The following IKBKE variants were observed in gnomAD, a reference collection of about 807,000 sequenced individuals.
IKBKE encodes inhibitor of nuclear factor kappa-B kinase subunit epsilon.
In IKBKE, 45 loss-of-function variants were observed where a neutral mutation model predicts 92.1. The observed-to-expected ratio is 0.49, with a 90% CI of 0.38 to 0.63. The LOEUF is 0.63. IKBKE is among the 20% of genes least tolerant of loss of function. The probability of loss-of-function intolerance (pLI) is 0.00; values close to 1 mark genes in which losing one functional copy is unlikely to be tolerated. For synonymous variants in IKBKE, 374 were observed against 380.3 expected (o/e 0.98, Z 0.19); for missense variants, 700 against 932.8 (o/e 0.75, Z 3.25).
intron 4 of IKBKE, 121 bp downstream of exon 4, chr1:206,474,592 C>G (rs150146648): frequency 3.5e-6 from 3 of 865,158 alleles, no homozygotes; most frequent in East Asian, 5.7e-5. Context: ...AGACAGCAGG[C>G]AAATTGCAGA....
intron 17 of IKBKE, chr1:206,491,431 C>T (rs782654782): frequency 3.0e-4 from 145 of 480,470 alleles, no homozygotes; most frequent in Admixed American, 1.2e-3. Context: ...TCTCCCACGT[C>T]TCCCTGTTGA....
intron 10 of IKBKE, 44 bp from the exon 11 acceptor site, chr1:206,479,826 A>C: frequency 6.3e-7 from 1 of 1,599,890 alleles, no homozygotes. Context: ...AAGCCGACCC[A>C]GCACCATACA....
Position 206,493,910 on chromosome 1 carries a change from C to A in IKBKE, c.2046-10C>A, listed in dbSNP as rs2103486548. 6.2e-7 allele frequency: 1 copy of A among 1,613,598 alleles called. No individual in the cohort carries two copies. The highest frequency in any genetic ancestry group is 1.1e-5 in the South Asian group (1 of 91,070). ...GCCTCAGCCGCCTCTCCTGCCTCTG[C>A]CTTGGGCAGCATGCAAGAGCTCTGC... On this transcript the variant is annotated splice_polypyrimidine_tract_variant and intron_variant, in intron 20 of 21. Transcript: ENST00000581977.
rs1233862570 is a variant in IKBKE, at chr1:206,480,006, C to T, written c.1249-16C>T. The T allele has an allele frequency of 6.2e-7, 1 of 1,611,118 alleles. No individual in the cohort carries two copies. The highest frequency in any genetic ancestry group is 8.5e-7 in the Non-Finnish European group (1 of 1,178,774). On this transcript the variant is annotated splice_polypyrimidine_tract_variant and intron_variant, in intron 11 of 21. Coordinates refer to ENST00000581977, the MANE Select transcript of IKBKE (RefSeq NM_014002.4). ...AGGAGGTGTGGGACCTGGCCCTGTG[C>T]ATCTCTGTGTTTCAGGGCGTGTTGG...
chr1:206,493,894 G>T (rs201847557), intron 20 of IKBKE, 26 bp from the exon 21 acceptor site: 4 of 1,608,878 alleles, frequency 2.5e-6, no homozygotes, highest in Non-Finnish European at 3.4e-6. Flanking sequence ...AGCCTCAGCC[G>T]CCTCTCCTGC....
intron 4 of IKBKE, 63 bp from the exon 5 acceptor site, chr1:206,474,802 T>A: frequency 6.3e-7 from 1 of 1,586,230 alleles, no homozygotes; most frequent in Non-Finnish European, 8.6e-7. Flanking sequence ...CTGAGCCACT[T>A]CTTCCTGGTG....
intron 18 of IKBKE, chr1:206,492,400 G>A (rs1353471607): frequency 2.1e-6 from 1 of 466,700 alleles, no homozygotes; most frequent in Non-Finnish European, 4.5e-6. Context: ...ACCTTGTTAT[G>A]GGGCTGAGAC....
At chr1:206,475,285 T>G in intron 5 of IKBKE, 2 of 473,998 alleles carry the variant, frequency 4.2e-6, no homozygotes, top group Non-Finnish European at 7.4e-6. Flanking sequence ...TGGATGGACC[T>G]TGATGACATT....
chr1:206,495,530 T>C (rs904045137), intron 21 of IKBKE, among the ~76,000 whole-genome samples: 2 of 152,100 alleles, frequency 1.3e-5, no homozygotes, highest in Non-Finnish European at 2.9e-5. Context: ...CAGAGGGTCC[T>C]TGGGTAAGGG....
Position 206,476,302 on chromosome 1 carries a change from T to A in IKBKE, c.480T>A (p.Ala160=). 6.2e-7 allele frequency: 1 copy of A among 1,614,038 alleles called. No individual in the cohort carries two copies. Among genetic ancestry groups the A allele is most frequent in the Non-Finnish European group, 8.5e-7 (1 of 1,179,936 alleles). The change falls in exon 6 of 22, where the codon GCT becomes GCA. Residue 160 remains alanine (A), a synonymous_variant. Coordinates refer to ENST00000581977, the MANE Select transcript of IKBKE (RefSeq NM_014002.4). This position sits in a 1 kb window ranked among gnomAD's most constrained non-coding sequence, Gnocchi z 5.1. ...QSIYKLTDFG[A]ARELDDDEKF... ...TCTACAAGCTGACAGACTTCGGCGC[T>A]GCCCGGGAGCTGGATGATGATGAGA...
At chr1:206,486,939 A>C (rs1298523187) in intron 15 of IKBKE, among the ~76,000 whole-genome samples, 1 of 149,630 alleles carries the variant, frequency 6.7e-6, no homozygotes, top group Non-Finnish European at 1.5e-5. Context: ...TCAAGGCCCC[A>C]TCCATTTGGA....
chr1:206,475,747 A>AAAAAAAAAC (rs1363606459), intron 5 of IKBKE, among the ~76,000 whole-genome samples: 20 of 152,064 alleles, frequency 1.3e-4, no homozygotes, highest in African/African-American at 4.6e-4. Context: ...CAAAAAAAAA[A>AAAAAAAAAC]AAAAAATTGG....
chr1:206,492,892 G>C (rs1553390943), intron 18 of IKBKE, 131 bp from the exon 19 acceptor site: 3 of 773,892 alleles, frequency 3.9e-6, no homozygotes, highest in Middle Eastern at 4.5e-4. Context: ...AGCTGGCAGG[G>C]CAGAGGCAGC....
At position 206,477,740 on chromosome 1, in the gene IKBKE, T is replaced by A; in HGVS notation, c.702-9T>A. 1 of 1,536,208 alleles carries A rather than the reference T, an allele frequency of 6.5e-7. No homozygotes were observed. Among genetic ancestry groups the A allele is most frequent in the Non-Finnish European group, 8.8e-7 (1 of 1,134,544 alleles). ...GGGGATCCCGCTGACCTGGCCTTCC[T>A]CCCCGCAGGTACCGGATCACCACGG... On this transcript the variant is annotated splice_polypyrimidine_tract_variant and intron_variant, in intron 7 of 21. Coordinates refer to ENST00000581977, the MANE Select transcript of IKBKE (RefSeq NM_014002.4).
intron 13 of IKBKE, among the ~76,000 whole-genome samples, chr1:206,481,457 G>A (rs1395725206): frequency 2.6e-5 from 4 of 152,252 alleles, no homozygotes; most frequent in African/African-American, 9.6e-5. Flanking sequence ...TGGAGGAGCA[G>A]GGAGGAGGAA....
At chr1:206,475,805 C>T (rs530547966) in intron 5 of IKBKE, among the ~76,000 whole-genome samples, 11 of 151,282 alleles carry the variant, frequency 7.3e-5, no homozygotes, top group African/African-American at 2.4e-4. Flanking sequence ...GGCACAGCAG[C>T]GTGGGTGTGC....
In IKBKE at chr1:206,476,945, C is replaced by T; in HGVS notation, c.701+107C>T. 1 of 1,210,548 alleles carries T rather than the reference C, an allele frequency of 8.3e-7. No homozygotes were observed. The highest frequency in any genetic ancestry group is 2.4e-5 in the East Asian group (1 of 41,618). 75.0% of individuals were successfully genotyped at this position (1,210,548 alleles called of 1,614,324 possible). A position where few individuals can be genotyped will look rare whatever the true frequency, so the allele number is the denominator to read the frequency against. On this transcript the variant is annotated intron_variant, in intron 7 of 21. Transcript: ENST00000581977. The surrounding 1 kb of genome is among the most constrained non-coding windows in gnomAD (Gnocchi z 5.1). ...GGTCCCCTCACACTCCATGGCCCTCCTCTGGTCCACCCCCCAACCCAGGCT... is the reference window on the plus strand; with the variant it reads ...GGTCCCCTCACACTCCATGGCCCTCTTCTGGTCCACCCCCCAACCCAGGCT...
chr1:206,496,380 G>T lies in IKBKE; in HGVS notation c.*235G>T. The T allele has an allele frequency of 1.8e-6, 1 of 546,192 alleles. No homozygotes were observed. The highest frequency in any genetic ancestry group is 3.3e-6 in the Non-Finnish European group (1 of 304,912). 33.8% of individuals were successfully genotyped at this position (546,192 alleles called of 1,614,324 possible). A position where few individuals can be genotyped will look rare whatever the true frequency, so the allele number is the denominator to read the frequency against. ...GTTGGGACCCACAGGAAAGAGTGTGGCAGCAACTGCCTGGCTGACCTTTCT... is the reference window on the plus strand; with the variant it reads ...GTTGGGACCCACAGGAAAGAGTGTGTCAGCAACTGCCTGGCTGACCTTTCT... On this transcript the variant is annotated 3_prime_UTR_variant, in exon 22 of 22. Coordinates refer to ENST00000581977, the MANE Select transcript of IKBKE (RefSeq NM_014002.4).
chr1:206,475,050 G>C, intron 5 of IKBKE, 56 bp downstream of exon 5: 1 of 1,581,956 alleles, frequency 6.3e-7, no homozygotes, highest in Non-Finnish European at 8.7e-7. Context: ...GCCTGGGACA[G>C]ATGCTGACAG....
Sources: gnomAD v4.1 joint callset for allele counts (sites outside exome capture counted in the v4.1 genomes callset) on GRCh38, gnomAD v4.1.1 for gene constraint, Gnocchi (gnomAD v3.1) non-coding constraint, MANE v1.5 for transcripts, NCBI Gene and HGNC (gene_info 2026-07-23, HGNC 2026-07-21) for gene names.